Variants in NRXN3 observed in about 807,000 individuals in gnomAD.
NRXN3 encodes the protein neurexin 3.
Under a neutral mutation model 137.6 loss-of-function variants are expected in NRXN3, and 32 were observed. The observed-to-expected ratio is 0.23, with a 90% confidence interval of 0.18 to 0.31. NRXN3 has a LOEUF of 0.31. Among genes scored for constraint, NRXN3 ranks in the 10% least tolerant of loss-of-function variants. The probability of loss-of-function intolerance (pLI) is 1.00; values close to 1 mark genes in which losing one functional copy is unlikely to be tolerated. For synonymous variants in NRXN3, 798 were observed against 784.5 expected, an observed-to-expected ratio of 1.02 and a Z score of -0.29; for missense variants, 1,574 against 2,062.5, an observed-to-expected ratio of 0.76 and a Z score of 4.59.
intron 4 of NRXN3, among the ~76,000 whole-genome samples, chr14:78,438,665 C>T (rs905419546): frequency 3.3e-5 from 5 of 152,128 alleles, no homozygotes; most frequent in African/African-American, 7.2e-5. Flanking sequence ...TGAGAGCACT[C>T]GGGTGCTGCC....
At chr14:79,771,461 C>T (rs1323662972) in intron 19 of NRXN3, among the ~76,000 whole-genome samples, 1 of 151,972 alleles carries the variant, frequency 6.6e-6, no homozygotes, top group Non-Finnish European at 1.5e-5. Flanking sequence ...GGATGCAAGG[C>T]TGGTTCAATA....
At chr14:79,353,291 G>A (rs1315983208) in intron 15 of NRXN3, among the ~76,000 whole-genome samples, 1 of 151,804 alleles carries the variant, frequency 6.6e-6, no homozygotes, top group African/African-American at 2.4e-5. Flanking sequence ...CAAATTATAT[G>A]TTTCTGGAAA....
chr14:79,717,399 A>G (rs937981555), intron 19 of NRXN3, among the ~76,000 whole-genome samples: 1 of 152,194 alleles, frequency 6.6e-6, no homozygotes, highest in African/African-American at 2.4e-5. Context: ...AATTCTTTCA[A>G]ACTTCCTTGT....
intron 15 of NRXN3, among the ~76,000 whole-genome samples, chr14:79,017,927 C>T (rs2152427456): frequency 6.6e-6 from 1 of 151,990 alleles, no homozygotes; most frequent in South Asian, 2.1e-4. Context: ...TTTGATGACC[C>T]TCTGGTGGTC....
chr14:79,650,331 C>T (rs139294775), intron 16 of NRXN3, among the ~76,000 whole-genome samples: 3 of 152,138 alleles, frequency 2.0e-5, no homozygotes, highest in African/African-American at 7.2e-5. Context: ...GGGAACGTTC[C>T]TTCATTTTTT....
rs375046636 is a variant in NRXN3 at position 79,060,955 on chromosome 14, G to C, written c.3262+72814G>C. Among the ~76,000 whole-genome samples the C allele has an allele frequency of 3.3e-5, 5 of 152,088 alleles. No individual in the cohort carries two copies. In the East Asian group the frequency reaches 7.7e-4, roughly 24 times the overall value. On this transcript the variant is annotated intron_variant, in intron 15 of 20. Transcript: ENST00000335750. ...TGCATCACTGATTATATCAAATACTGTGTGGCATGCTCAGGCCTTGTTGGT... is the reference window on the plus strand; with the variant it reads ...TGCATCACTGATTATATCAAATACTCTGTGGCATGCTCAGGCCTTGTTGGT...
chr14:78,327,771 G>T (rs1191049279), intron 4 of NRXN3, among the ~76,000 whole-genome samples: 1 of 152,150 alleles, frequency 6.6e-6, no homozygotes, highest in Non-Finnish European at 1.5e-5. Context: ...TACTACATCA[G>T]GCGGTGATAA....
intron 10 of NRXN3, among the ~76,000 whole-genome samples, chr14:78,932,595 T>C (rs549282664): frequency 3.3e-4 from 51 of 152,258 alleles, no homozygotes; most frequent in African/African-American, 1.0e-3. Context: ...CGCAGGGAAG[T>C]GGACAGAGGT....
At chr14:79,754,215 G>C (rs1245086955) in intron 19 of NRXN3, among the ~76,000 whole-genome samples, 1 of 151,854 alleles carries the variant, frequency 6.6e-6, no homozygotes, top group South Asian at 2.1e-4. Flanking sequence ...GGTGGCACAT[G>C]GCTGTAATCC....
chr14:78,960,324 G>A (rs551135351), intron 11 of NRXN3, among the ~76,000 whole-genome samples: 1 of 152,254 alleles, frequency 6.6e-6, no homozygotes, highest in African/African-American at 2.4e-5. Context: ...GTTCACAGAA[G>A]TCATAAAATC....
intron 15 of NRXN3, among the ~76,000 whole-genome samples, chr14:79,454,454 G>C (rs2096230087): frequency 6.6e-6 from 1 of 152,114 alleles, no homozygotes; most frequent in South Asian, 2.1e-4. Context: ...AACCTCAGGT[G>C]ATCTGCCCAC....
intron 19 of NRXN3, among the ~76,000 whole-genome samples, chr14:79,711,706 ATGGCTGT>A (rs1373542230): frequency 6.6e-6 from 1 of 152,178 alleles, no homozygotes; most frequent in African/African-American, 2.4e-5. Context: ...GTGCTGGCTG[ATGGCTGT>A]TGGCTAAATC....
chr14:78,364,135 G>A (rs1055671048), intron 4 of NRXN3, among the ~76,000 whole-genome samples: 4 of 152,206 alleles, frequency 2.6e-5, no homozygotes, highest in African/African-American at 9.6e-5. Context: ...GGATAAGATA[G>A]GCTTTTATTT....
chr14:78,209,951 A>T (rs1030104821), intron 1 of NRXN3, among the ~76,000 whole-genome samples: 1 of 152,156 alleles, frequency 6.6e-6, no homozygotes, highest in Non-Finnish European at 1.5e-5. Context: ...GTCTCTCTCC[A>T]CTAGAATTTA....
intron 4 of NRXN3, among the ~76,000 whole-genome samples, chr14:78,354,466 A>T (rs2083984209): frequency 6.6e-6 from 1 of 152,186 alleles, no homozygotes; most frequent in Non-Finnish European, 1.5e-5. Flanking sequence ...CAAATCATTC[A>T]TCTTTGAGAG....
chr14:79,280,401 C>T (rs774942321), intron 15 of NRXN3: 1 of 1,614,132 alleles, frequency 6.2e-7, no homozygotes, highest in Non-Finnish European at 8.5e-7. Context: ...TGGAGTTCTT[C>T]TAATGTAGCT....
chr14:79,132,580 A>T (rs779172814), intron 15 of NRXN3, among the ~76,000 whole-genome samples: 22 of 152,318 alleles, frequency 1.4e-4, no homozygotes, highest in Non-Finnish European at 2.9e-4. Context: ...TTTGCTTTGC[A>T]TTATATTCCT....
chr14:79,289,254 A>T (rs1041320026), intron 15 of NRXN3, among the ~76,000 whole-genome samples: 2 of 152,170 alleles, frequency 1.3e-5, no homozygotes, highest in Non-Finnish European at 2.9e-5. Context: ...TCTTCAGAGA[A>T]ATCTCCCCTT....
chr14:78,480,198 G>A (rs1254454498), intron 4 of NRXN3, among the ~76,000 whole-genome samples: 4 of 152,044 alleles, frequency 2.6e-5, no homozygotes, highest in African/African-American at 9.7e-5. Flanking sequence ...TCGTCATGGG[G>A]CTTATATTAT....
Sources: gnomAD v4.1 joint callset for allele counts (sites outside exome capture counted in the v4.1 genomes callset) on GRCh38, gnomAD v4.1.1 for gene constraint, MANE v1.5 for transcripts, NCBI Gene and HGNC (gene_info 2026-07-23, HGNC 2026-07-21) for gene names.